COX10: variants seen among roughly 807,000 people sequenced by gnomAD.
COX10 encodes the protein protoheme IX farnesyltransferase, mitochondrial.
In COX10, 27 loss-of-function variants were observed where a neutral mutation model predicts 37.3. The ratio of observed to expected loss-of-function variants is 0.72; its 90% CI spans 0.53 to 1.00. COX10 has a LOEUF of 1.00. Ranked by LOEUF, COX10 falls within the 50% of genes least tolerant of loss-of-function variation. The pLI, the probability that COX10 is intolerant of heterozygous loss-of-function variation, is 0.00. For missense variants in COX10, 475 were observed against 563.2 expected (o/e 0.84, Z 1.59); for synonymous variants, 222 against 229.1 (o/e 0.97, Z 0.28).
intron 4 of COX10, among the ~76,000 whole-genome samples, chr17:14,113,173 TC>T (rs1041940531): frequency 5.1e-4 from 77 of 152,292 alleles, no homozygotes; most frequent in African/African-American, 1.8e-3. Flanking sequence ...AACAGACATT[TC>T]AGTTGACCTA....
chr17:14,200,993 GTCTT>G (rs541346496), intron 6 of COX10, among the ~76,000 whole-genome samples: 138 of 152,306 alleles, frequency 9.1e-4, no homozygotes, highest in Non-Finnish European at 1.1e-3. Context: ...CCTTTGTGTT[GTCTT>G]TCTTCCTGGC....
intron 5 of COX10, among the ~76,000 whole-genome samples, chr17:14,173,669 A>G (rs1905555864): frequency 6.6e-6 from 1 of 152,198 alleles, no homozygotes; most frequent in Non-Finnish European, 1.5e-5. Flanking sequence ...TTCTATAGGA[A>G]CTGGACCTTG....
At chr17:14,081,996 C>T (rs900740575) in intron 3 of COX10, among the ~76,000 whole-genome samples, 1 of 152,106 alleles carries the variant, frequency 6.6e-6, no homozygotes, top group Non-Finnish European at 1.5e-5. Context: ...TGGAGAGACC[C>T]AGTGGGGCAG....
chr17:14,170,756 A>G (rs1392541483), intron 5 of COX10, among the ~76,000 whole-genome samples: 1 of 152,142 alleles, frequency 6.6e-6, no homozygotes, highest in Non-Finnish European at 1.5e-5. Context: ...TTTGGAGGTT[A>G]CAGTGAGCTA....
chr17:14,203,282 G>A (rs1239111114), intron 6 of COX10, among the ~76,000 whole-genome samples: 3 of 151,832 alleles, frequency 2.0e-5, no homozygotes, highest in Non-Finnish European at 4.4e-5. Context: ...AATGAATTTG[G>A]GGGATTTGAC....
At chr17:14,141,860 A>C (rs1904554014) in intron 4 of COX10, among the ~76,000 whole-genome samples, 1 of 152,194 alleles carries the variant, frequency 6.6e-6, no homozygotes, top group African/African-American at 2.4e-5. Flanking sequence ...TAAGAGTAGC[A>C]GTATATGATC....
At chr17:14,106,205 C>T (rs1385575068) in intron 4 of COX10, among the ~76,000 whole-genome samples, 3 of 151,888 alleles carry the variant, frequency 2.0e-5, no homozygotes, top group African/African-American at 2.4e-5. Context: ...TTAGTTGAGA[C>T]GTGGTTTCAC....
intron 3 of COX10, among the ~76,000 whole-genome samples, chr17:14,095,860 C>T (rs1915638193): frequency 6.6e-6 from 1 of 152,204 alleles, no homozygotes; most frequent in Admixed American, 6.5e-5. Flanking sequence ...CTTGTAAGTA[C>T]ATGGCCCTCA....
intron 4 of COX10, among the ~76,000 whole-genome samples, chr17:14,122,149 C>T (rs541354617): frequency 3.3e-5 from 5 of 152,154 alleles, no homozygotes; most frequent in Admixed American, 3.3e-4. Flanking sequence ...CTACAGGAAA[C>T]AGGAACTTGG....
intron 5 of COX10, chr17:14,177,208 G>T (rs1281201239): frequency 1.4e-6 from 1 of 724,060 alleles, no homozygotes; most frequent in African/African-American, 1.7e-5. Context: ...CTCCGTCACT[G>T]TTCTAGGGGC....
chr17:14,075,575 ATATATAT>A (rs1228678055), intron 2 of COX10, among the ~76,000 whole-genome samples: 1 of 152,196 alleles, frequency 6.6e-6, no homozygotes, highest in Non-Finnish European at 1.5e-5. Flanking sequence ...ATTAAATGAG[ATATATAT>A]TATATAAAAC....
intron 4 of COX10, among the ~76,000 whole-genome samples, chr17:14,134,591 A>G (rs1916536940): frequency 6.6e-6 from 1 of 151,872 alleles, no homozygotes; most frequent in Non-Finnish European, 1.5e-5. Context: ...CAGCAAGCAC[A>G]TAAAAGGAGA....
chr17:14,185,758 A>G (rs1398445068), intron 5 of COX10, among the ~76,000 whole-genome samples: 1 of 139,584 alleles, frequency 7.2e-6, no homozygotes, highest in East Asian at 2.1e-4. Flanking sequence ...CCTTTATTTA[A>G]CTTTTTTCCT....
chr17:14,105,786 C>T (rs1915878761), intron 4 of COX10, among the ~76,000 whole-genome samples: 1 of 151,910 alleles, frequency 6.6e-6, no homozygotes, highest in South Asian at 2.1e-4. Flanking sequence ...TTTTGTAGTG[C>T]CTATATCTCA....
chr17:14,182,017 A>G (rs1216113771), intron 5 of COX10: 5 of 952,384 alleles, frequency 5.2e-6, no homozygotes, highest in Middle Eastern at 5.4e-4. Flanking sequence ...TTTTTTTTTT[A>G]CAGGCAATCT....
At chr17:14,092,209 C>T (rs928663280) in intron 3 of COX10, among the ~76,000 whole-genome samples, 1 of 151,982 alleles carries the variant, frequency 6.6e-6, no homozygotes, top group African/African-American at 2.4e-5. Context: ...TTTATCAAGC[C>T]CGATAGATAC....
intron 4 of COX10, 132 bp from the exon 5 acceptor site, chr17:14,159,745 A>G: frequency 1.5e-6 from 1 of 673,622 alleles, no homozygotes; most frequent in Non-Finnish European, 2.5e-6. Context: ...TTCTTCAAGA[A>G]GTGCCAGGGT....
At chr17:14,169,499 G>A (rs1167987432) in intron 5 of COX10, among the ~76,000 whole-genome samples, 1 of 152,062 alleles carries the variant, frequency 6.6e-6, no homozygotes, top group East Asian at 1.9e-4. Context: ...CCAATTTTCT[G>A]TATTAGTCCA....
chr17:14,121,604 A>G (rs1916231580), intron 4 of COX10, among the ~76,000 whole-genome samples: 1 of 152,220 alleles, frequency 6.6e-6, no homozygotes, highest in Admixed American at 6.5e-5. Flanking sequence ...GGAGACAGTA[A>G]TAATAGTATC....
Sources: allele counts gnomAD v4.1 joint callset (sites outside exome capture counted in the v4.1 genomes callset), GRCh38; gene constraint gnomAD v4.1.1; transcripts MANE v1.5; gene names NCBI Gene and HGNC (gene_info 2026-07-23, HGNC 2026-07-21).